The following RNF141 variants were observed in gnomAD, a reference collection of about 807,000 sequenced individuals.
The protein encoded by RNF141 is C3HC4-like zinc finger protein.
A neutral mutation model predicts 27.4 loss-of-function variants in RNF141; 18 were observed. The ratio of observed to expected loss-of-function variants is 0.66; its 90% CI spans 0.45 to 0.97. The LOEUF is 0.97. RNF141 is among the 50% of genes least tolerant of loss of function. The pLI is 0.00. For missense variants in RNF141, 230 were observed against 279.4 expected (o/e 0.82, Z 1.26); for synonymous variants, 97 against 96.6 (o/e 1.00, Z -0.02).
At chr11:10,520,752 T>C (rs1849881749) in intron 4 of RNF141, among the ~76,000 whole-genome samples, 1 of 152,174 alleles carries the variant, frequency 6.6e-6, no homozygotes, top group African/African-American at 2.4e-5. Context: ...CCAAGAACAT[T>C]TGAGTAATGC....
chr11:10,530,043 T>C (rs1849972087), intron 3 of RNF141, among the ~76,000 whole-genome samples: 1 of 152,190 alleles, frequency 6.6e-6, no homozygotes, highest in South Asian at 2.1e-4. Context: ...TTCTTTGTTT[T>C]AGAGCCGGGG....
chr11:10,515,143 A>C (rs1849833655), intron 5 of RNF141, 77 bp from the exon 6 acceptor site: 2 of 1,437,522 alleles, frequency 1.4e-6, no homozygotes, highest in Non-Finnish European at 1.9e-6. Context: ...TAATACATGC[A>C]CATGGCTTTT....
At chr11:10,535,638 T>C (rs1850027822) in intron 1 of RNF141, among the ~76,000 whole-genome samples, 1 of 152,172 alleles carries the variant, frequency 6.6e-6, no homozygotes, top group Admixed American at 6.5e-5. Context: ...CAAAGCACCA[T>C]GGTGTTGGAT....
rs1173410748 is a variant in RNF141, at chr11:10,513,482, A to G, written c.*1434T>C. On this transcript the variant is annotated 3_prime_UTR_variant, in exon 6 of 6. Transcript: ENST00000265981. Reference sequence around the variant, plus strand: ...TATTACATGCCGAAATGTTAATGTTAGAAATTTTAGTTCATAAGCAAAAAA... The same window carrying G: ...TATTACATGCCGAAATGTTAATGTTGGAAATTTTAGTTCATAAGCAAAAAA... 1 of 152,170 alleles carries G rather than the reference A, an allele frequency of 6.6e-6. No individual in the cohort carries two copies. Among genetic ancestry groups the G allele is most frequent in the Non-Finnish European group, 1.5e-5 (1 of 68,016 alleles). The allele number at this position is 152,170 out of a possible 1,614,324, so 9.4% of individuals were successfully genotyped here.
chr11:10,532,656 A>G (rs989580231), intron 2 of RNF141, among the ~76,000 whole-genome samples: 8 of 152,208 alleles, frequency 5.3e-5, no homozygotes, highest in African/African-American at 1.7e-4. Flanking sequence ...ATTCTTCCCA[A>G]TAAAGACAGT....
chr11:10,530,796 T>C, intron 2 of RNF141, 45 bp from the exon 3 acceptor site: 1 of 1,182,552 alleles, frequency 8.5e-7, no homozygotes, highest in Non-Finnish European at 1.2e-6. Flanking sequence ...AAATCATATA[T>C]TAATAAAATA....
intron 4 of RNF141, among the ~76,000 whole-genome samples, chr11:10,524,288 G>A (rs1336872371): frequency 1.1e-4 from 16 of 152,206 alleles, no homozygotes; most frequent in African/African-American, 3.1e-4. Context: ...GGTGGCGGGC[G>A]CCTGTAGTCC....
At chr11:10,518,396 T>C (rs1229420291) in intron 5 of RNF141, 5 of 152,058 alleles carry the variant, frequency 3.3e-5, no homozygotes, top group African/African-American at 1.2e-4. Context: ...ATAACAGACA[T>C]TACTCAGCAA....
chr11:10,538,668 C>T (rs1850058304), intron 1 of RNF141, among the ~76,000 whole-genome samples: 1 of 152,178 alleles, frequency 6.6e-6, no homozygotes, highest in Admixed American at 6.5e-5. Context: ...ATACCATTGG[C>T]AGTTTTTGTT....
At chr11:10,519,976 C>A (rs1321079917) in intron 4 of RNF141, among the ~76,000 whole-genome samples, 1 of 152,030 alleles carries the variant, frequency 6.6e-6, no homozygotes, top group Non-Finnish European at 1.5e-5. Context: ...ATCTGATGAG[C>A]TAAAAAAATT....
At position 10,524,873 on chromosome 11, in the gene RNF141, G is replaced by A. The variant is rs141932259; in HGVS notation, c.434+319C>T. Reference sequence around the variant, plus strand: ...CCTAATTCCCTAAAAAGCTTTGACTGTCTAAGAACCTAAATACCTATTATA... The same window carrying A: ...CCTAATTCCCTAAAAAGCTTTGACTATCTAAGAACCTAAATACCTATTATA... On this transcript the variant is annotated intron_variant, in intron 4 of 5. Transcript: ENST00000265981. 2.6e-5 allele frequency among the ~76,000 whole-genome samples: 4 copies of A among 152,232 alleles called. No individual in the cohort carries two copies. In the East Asian group the frequency reaches 7.7e-4, roughly 29 times the overall value.
At chr11:10,529,190 T>G (rs1020426905) in intron 3 of RNF141, among the ~76,000 whole-genome samples, 1 of 152,214 alleles carries the variant, frequency 6.6e-6, no homozygotes, top group South Asian at 2.1e-4. Flanking sequence ...AAACCAATCA[T>G]GCTAATCATA....
Position 10,514,461 on chromosome 11 carries a change from T to TA in RNF141, c.*454dup, listed in dbSNP as rs1174242757. ...TTCCAGCAGAAAGACTAGTTTTAAG[T>TA]AGTAACATGCACGTTGAAGTATTCT... is the stretch of plus-strand genomic sequence containing the variant. On this transcript the variant is annotated 3_prime_UTR_variant, in exon 6 of 6. Coordinates refer to ENST00000265981, the MANE Select transcript of RNF141 (RefSeq NM_016422.4). 3.3e-5 allele frequency: 5 copies of TA among 153,058 alleles called. No individual in the cohort carries two copies. The highest frequency in any genetic ancestry group is 1.2e-4 in the African/African-American group (5 of 41,466). The allele number at this position is 153,058 out of a possible 1,614,324, so 9.5% of individuals were successfully genotyped here.
chr11:10,528,641 T>C (rs1849960147), intron 3 of RNF141, among the ~76,000 whole-genome samples: 1 of 152,168 alleles, frequency 6.6e-6, no homozygotes, highest in Non-Finnish European at 1.5e-5. Flanking sequence ...GAGTACTTTA[T>C]GAAATAAAAA....
chr11:10,536,658 C>T (rs1032993253), intron 1 of RNF141, among the ~76,000 whole-genome samples: 3 of 152,086 alleles, frequency 2.0e-5, no homozygotes, highest in Non-Finnish European at 4.4e-5. Context: ...TTTAAACAAA[C>T]AGAGTTTGTT....
chr11:10,519,670 C>CT (rs201490349), intron 4 of RNF141, among the ~76,000 whole-genome samples: 1 of 130,092 alleles, frequency 7.7e-6, no homozygotes. Context: ...CTGTATGGAA[C>CT]ACTGTAGGCT....
At chr11:10,527,887 C>T (rs572245854) in intron 3 of RNF141, among the ~76,000 whole-genome samples, 29 of 152,094 alleles carry the variant, frequency 1.9e-4, no homozygotes, top group African/African-American at 6.0e-4. Context: ...ATTCTGAATA[C>T]ATTTTGATGT....
intron 5 of RNF141, chr11:10,518,383 C>T (rs12279850): frequency 0.45 from 68,866 of 151,826 alleles, 16,958 homozygotes; most frequent in East Asian, 0.67. Context: ...CTATGGTATC[C>T]ACATAACAGA....
intron 4 of RNF141, 102 bp downstream of exon 4, chr11:10,525,090 A>AC: frequency 1.1e-6 from 1 of 897,618 alleles, no homozygotes; most frequent in Non-Finnish European, 1.6e-6. Flanking sequence ...AGAAAAAAAA[A>AC]AGATTTAAGA....
Sources: gnomAD v4.1 joint callset for allele counts (sites outside exome capture counted in the v4.1 genomes callset) on GRCh38, gnomAD v4.1.1 for gene constraint, MANE v1.5 for transcripts, NCBI Gene and HGNC (gene_info 2026-07-23, HGNC 2026-07-21) for gene names.